CSNK2A1: variants seen among roughly 807,000 people sequenced by gnomAD.
CSNK2A1 encodes casein kinase 2 alpha 1.
A neutral mutation model predicts 62.9 loss-of-function variants in CSNK2A1; 10 were observed. That is an observed-to-expected ratio of 0.16 (90% CI 0.10 to 0.27). CSNK2A1 has a LOEUF of 0.27. CSNK2A1 is among the 10% of genes least tolerant of loss of function. The pLI, the probability that CSNK2A1 is intolerant of heterozygous loss-of-function variation, is 1.00. For missense variants in CSNK2A1, 160 were observed against 492.0 expected, an observed-to-expected ratio of 0.33 and a Z score of 6.38; for synonymous variants, 124 against 167.8, an observed-to-expected ratio of 0.74 and a Z score of 2.02.
chr20:488,350 T>C (rs777289839), intron 11 of CSNK2A1: 3 of 250,026 alleles, frequency 1.2e-5, no homozygotes, highest in Non-Finnish European at 2.3e-5. Flanking sequence ...AATTTCTTTC[T>C]CTTGGAGAGA....
intron 1 of CSNK2A1, among the ~76,000 whole-genome samples, chr20:543,459 C>A (rs943126583): frequency 1.3e-5 from 2 of 152,136 alleles, no homozygotes; most frequent in African/African-American, 4.8e-5. Context: ...CGGCCTCTGC[C>A]CCCAAACCTC....
intron 2 of CSNK2A1, among the ~76,000 whole-genome samples, chr20:515,439 C>A (rs2018809190): frequency 6.6e-6 from 1 of 152,220 alleles, no homozygotes. Context: ...AAGTATCTAA[C>A]TCTTCCAACA....
At position 480,069 on chromosome 20, in the gene CSNK2A1, A is replaced by T. The variant is rs566829662; in HGVS notation, c.*3892T>A. 2 of 152,238 alleles carry T rather than the reference A, an allele frequency of 1.3e-5. No individual in the cohort carries two copies. The highest frequency in any genetic ancestry group is 2.9e-5 in the Non-Finnish European group (2 of 68,052). 9.4% of individuals were successfully genotyped at this position (152,238 alleles called of 1,614,324 possible). ...ATCTAAGTCTACTAAATTGGCCAGGATCATTCCTTAGTCTTCAGATACCTA... is the reference window on the plus strand; with the variant it reads ...ATCTAAGTCTACTAAATTGGCCAGGTTCATTCCTTAGTCTTCAGATACCTA... On this transcript the variant is annotated 3_prime_UTR_variant, in exon 14 of 14. Coordinates refer to ENST00000217244, the MANE Select transcript of CSNK2A1 (RefSeq NM_177559.3).
At chr20:541,429 C>T (rs1273578554) in intron 1 of CSNK2A1, among the ~76,000 whole-genome samples, 1 of 152,094 alleles carries the variant, frequency 6.6e-6, no homozygotes, top group African/African-American at 2.4e-5. Flanking sequence ...GAAAATCATC[C>T]CTTTCTTTAA....
intron 2 of CSNK2A1, among the ~76,000 whole-genome samples, chr20:527,528 T>C (rs1298786797): frequency 6.6e-6 from 1 of 152,164 alleles, no homozygotes; most frequent in Non-Finnish European, 1.5e-5. Context: ...ATCAGCAAAC[T>C]TTACATCCAC....
chr20:481,630 G>A lies in CSNK2A1; in HGVS notation c.*2331C>T, dbSNP rs575341104. On this transcript the variant is annotated 3_prime_UTR_variant, in exon 14 of 14. Transcript: ENST00000217244. ...CTCAGAGTCCTCTGCATTCACCTTC[G>A]GTTTATTCCAAGGTCTGATGGGTGT... is the stretch of plus-strand genomic sequence containing the variant. The A allele has an allele frequency of 3.3e-5, 5 of 151,790 alleles. No homozygotes were observed. Among genetic ancestry groups the A allele is most frequent in the Non-Finnish European group, 5.9e-5 (4 of 67,966 alleles). The allele number at this position is 151,790 out of a possible 1,614,324, so 9.4% of individuals were successfully genotyped here. A position where few individuals can be genotyped will look rare whatever the true frequency, so the allele number is the denominator to read the frequency against.
chr20:504,848 G>C (rs537872411), intron 4 of CSNK2A1: 17 of 389,120 alleles, frequency 4.4e-5, no homozygotes, highest in African/African-American at 1.9e-4. Flanking sequence ...ATAAGTATTA[G>C]GCAATAACTG....
chr20:484,050 G>A lies in CSNK2A1; in HGVS notation c.1087C>T (p.Pro363Ser), dbSNP rs373111548. ...GGTGAGCCTGCCAGAGGTCCAAGGG[G>A]TGAAGGGGTTGGCACTGAAGAAATC... ...SGISSVPTPS[P>S]LGPLAGSPVI... Residue 363 changes from proline (P) to serine (S), a missense_variant, in exon 14 of 14, where the codon CCC (proline) becomes TCC (serine). By Grantham distance (74) the Pro-to-Ser change is moderately conservative. This residue lies in a region of CSNK2A1 where 51 missense variants were observed against 108.8 expected (regional missense o/e 0.47). Transcript: ENST00000217244. 2.9e-5 allele frequency: 46 copies of A among 1,610,868 alleles called. No individual in the cohort carries two copies. Among genetic ancestry groups the A allele is most frequent in the East Asian group, 2.3e-4 (10 of 44,390 alleles).
chr20:488,967 T>C (rs2018159050), intron 10 of CSNK2A1, 189 bp from the exon 11 acceptor site: 2 of 485,892 alleles, frequency 4.1e-6, no homozygotes, highest in Non-Finnish European at 7.1e-6. Context: ...AACTGGTTTC[T>C]TCCTCTTGAA....
chr20:497,292 C>T (rs1422586478), intron 7 of CSNK2A1, among the ~76,000 whole-genome samples: 1 of 152,060 alleles, frequency 6.6e-6, no homozygotes. Context: ...GAATTACAAG[C>T]ATAAGCCACC....
chr20:510,504 C>T (rs547161785), intron 2 of CSNK2A1, among the ~76,000 whole-genome samples: 1 of 152,116 alleles, frequency 6.6e-6, no homozygotes, highest in East Asian at 1.9e-4. Context: ...AAGAAATTTT[C>T]CTGAAGTAAT....
At chr20:509,837 A>C (rs1214104344) in intron 2 of CSNK2A1, among the ~76,000 whole-genome samples, 1 of 152,192 alleles carries the variant, frequency 6.6e-6, no homozygotes, top group Non-Finnish European at 1.5e-5. Context: ...TCAGCCTCCC[A>C]AAGTGCTGAG....
intron 2 of CSNK2A1, among the ~76,000 whole-genome samples, chr20:524,972 T>A (rs2019046675): frequency 6.6e-6 from 1 of 151,104 alleles, no homozygotes; most frequent in Non-Finnish European, 1.5e-5. Context: ...AAAAGTTAGC[T>A]AAGTATGGTG....
At chr20:488,509 A>G (rs1568502000) in intron 11 of CSNK2A1, 169 bp downstream of exon 11, 1 of 617,922 alleles carries the variant, frequency 1.6e-6, no homozygotes, top group Non-Finnish European at 2.8e-6. Flanking sequence ...GGGCCATTCA[A>G]TCCAATGCCT....
intron 1 of CSNK2A1, among the ~76,000 whole-genome samples, chr20:536,912 A>C (rs1461398186): frequency 6.6e-6 from 1 of 152,168 alleles, no homozygotes; most frequent in African/African-American, 2.4e-5. Flanking sequence ...TGAATTCAAT[A>C]ACCCAAAATG....
intron 4 of CSNK2A1, chr20:502,592 AC>A (rs2018494109): frequency 6.6e-6 from 1 of 152,232 alleles, no homozygotes; most frequent in South Asian, 2.1e-4. Context: ...ATCTATACTT[AC>A]ACCACCTACC....
intron 3 of CSNK2A1, chr20:506,052 A>G (rs1469626551): frequency 1.3e-5 from 2 of 150,788 alleles, no homozygotes; most frequent in African/African-American, 2.4e-5. Flanking sequence ...ATTTTTTTGT[A>G]TTTTTAGTAA....
chr20:488,768 A>G lies in CSNK2A1; in HGVS notation c.734T>C (p.Ile245Thr). 2 of 1,613,250 alleles carry G rather than the reference A, an allele frequency of 1.2e-6. No homozygotes were observed. The highest frequency in any genetic ancestry group is 2.2e-5 in the East Asian group (1 of 44,880). Residue 245 changes from isoleucine to threonine, a missense_variant, in exon 11 of 14, where the codon ATA (isoleucine) becomes ACA (threonine). Physicochemically the swap from Ile to Thr is moderately conservative, Grantham distance 89. Transcript: ENST00000217244. ...GHDNYDQLVR[I>T]AKVLGTEDLY... ...ATCTTCTGTCCCCAGAACCTTGGCT[A>G]TCCTCACCAACTAGTATTAAAGAAA...
chr20:492,119 T>C, intron 9 of CSNK2A1, 135 bp downstream of exon 9: 1 of 648,508 alleles, frequency 1.5e-6, no homozygotes. Flanking sequence ...TATTTTACAT[T>C]TCATATAAAA....
Sources: allele counts gnomAD v4.1 joint callset (sites outside exome capture counted in the v4.1 genomes callset), GRCh38; gene constraint gnomAD v4.1.1; regional missense constraint gnomAD v4.1.1; transcripts MANE v1.5; gene names NCBI Gene and HGNC (gene_info 2026-07-23, HGNC 2026-07-21).